The following LRPPRC variants were observed in gnomAD, a reference collection of about 807,000 sequenced individuals.
LRPPRC encodes leucine-rich PPR motif-containing protein, mitochondrial.
In LRPPRC, 120 loss-of-function variants were observed where a neutral mutation model predicts 180.3. The ratio of observed to expected loss-of-function variants is 0.67; its 90% CI spans 0.57 to 0.77. The LOEUF is 0.77. Ranked by LOEUF, LRPPRC falls within the 30% of genes least tolerant of loss-of-function variation. LRPPRC has a pLI of 0.00. For missense variants in LRPPRC, 2,012 were observed against 1,657.2 expected, an observed-to-expected ratio of 1.21 and a Z score of -3.72; for synonymous variants, 723 against 600.0, an observed-to-expected ratio of 1.21 and a Z score of -3.00.
Position 43,887,698 on chromosome 2 carries a change from T to G in LRPPRC, c.*902A>C, listed in dbSNP as rs1013746889. On this transcript the variant is annotated 3_prime_UTR_variant, in exon 38 of 38. Coordinates refer to ENST00000260665, the MANE Select transcript of LRPPRC (RefSeq NM_133259.4). ...TCTCCTGACTACCTATCTTAGAATT[T>G]TTTTGAAGTCACTACTTACAGTGTA... 6.6e-6 allele frequency: 1 copy of G among 152,246 alleles called. No homozygotes were observed. The highest frequency in any genetic ancestry group is 1.5e-5 in the Non-Finnish European group (1 of 68,040). 9.4% of individuals were successfully genotyped at this position (152,246 alleles called of 1,614,324 possible).
At chr2:43,925,773 A>G (rs185354809) in intron 26 of LRPPRC, 120 bp downstream of exon 26, 2 of 769,182 alleles carry the variant, frequency 2.6e-6, no homozygotes, top group Admixed American at 1.8e-5. Flanking sequence ...AATGATCGAG[A>G]TAAACACTGC....
At chr2:43,889,902 A>G (rs749141593) in intron 36 of LRPPRC, 26 bp from the exon 37 acceptor site, 9 of 1,561,440 alleles carry the variant, frequency 5.8e-6, no homozygotes, top group Non-Finnish European at 7.1e-6. Flanking sequence ...AAATATATTA[A>G]TCAGAGATAA....
At chr2:43,896,581 C>A (rs1234287082) in intron 35 of LRPPRC, 53 bp downstream of exon 35, 1 of 1,130,930 alleles carries the variant, frequency 8.8e-7, no homozygotes, top group South Asian at 1.2e-5. Flanking sequence ...TTCAATACTT[C>A]TGAGCAAGGC....
At chr2:43,941,186 G>A (rs1334517285) in intron 23 of LRPPRC, among the ~76,000 whole-genome samples, 1 of 152,078 alleles carries the variant, frequency 6.6e-6, no homozygotes, top group African/African-American at 2.4e-5. Flanking sequence ...AACACAAACT[G>A]ACACAGTATT....
intron 23 of LRPPRC, among the ~76,000 whole-genome samples, chr2:43,943,292 C>T (rs1005911169): frequency 6.6e-6 from 1 of 151,980 alleles, no homozygotes; most frequent in Non-Finnish European, 1.5e-5. Context: ...ATTTAAAATA[C>T]CCTGTGAAGA....
At chr2:43,930,358 G>A (rs1672044125) in intron 25 of LRPPRC, among the ~76,000 whole-genome samples, 1 of 152,182 alleles carries the variant, frequency 6.6e-6, no homozygotes, top group South Asian at 2.1e-4. Flanking sequence ...ATAGAAAACA[G>A]AAACTCAGGG....
intron 12 of LRPPRC, among the ~76,000 whole-genome samples, chr2:43,961,423 G>A (rs1673342777): frequency 6.6e-6 from 1 of 152,058 alleles, no homozygotes; most frequent in Non-Finnish European, 1.5e-5. Context: ...GTGGATAATA[G>A]GAACAGTATA....
chr2:43,964,937 T>A (rs1237569355), intron 11 of LRPPRC, among the ~76,000 whole-genome samples: 1 of 152,170 alleles, frequency 6.6e-6, no homozygotes, highest in Non-Finnish European at 1.5e-5. Flanking sequence ...TTTCAGCTAT[T>A]CACGAGGCTG....
intron 30 of LRPPRC, among the ~76,000 whole-genome samples, chr2:43,909,497 G>T: frequency 6.6e-6 from 1 of 152,116 alleles, no homozygotes; most frequent in East Asian, 1.9e-4. Context: ...TGGAACATAA[G>T]TAAGTTCTGG....
At position 43,948,524 on chromosome 2, in the gene LRPPRC, GA is replaced by G; in HGVS notation, c.1736-7del. The G allele has an allele frequency of 9.1e-6, 13 of 1,427,614 alleles. No homozygotes were observed. The highest frequency in any genetic ancestry group is 1.3e-5 in the Non-Finnish European group (13 of 1,009,950). 88.4% of individuals were successfully genotyped at this position (1,427,614 alleles called of 1,614,324 possible). ...AAGAAAATAGCCAACAGCTTCTGTGGAAAAAAACAAGAGAAAGCATTCCACT... is the reference window on the plus strand; with the variant it reads ...AAGAAAATAGCCAACAGCTTCTGTGGAAAAAACAAGAGAAAGCATTCCACT... On this transcript the variant is annotated splice_region_variant and splice_polypyrimidine_tract_variant and intron_variant, in intron 16 of 37. Transcript: ENST00000260665.
chr2:43,896,838 C>G, intron 34 of LRPPRC, 130 bp from the exon 35 acceptor site: 1 of 654,844 alleles, frequency 1.5e-6, no homozygotes, highest in Non-Finnish European at 2.8e-6. Flanking sequence ...GCCTAATAGT[C>G]GACTATTATT....
intron 1 of LRPPRC, among the ~76,000 whole-genome samples, chr2:43,987,270 C>A (rs1156723454): frequency 2.0e-5 from 3 of 151,974 alleles, no homozygotes; most frequent in African/African-American, 7.2e-5. Context: ...CCGAGGCGGG[C>A]AGATCACGAG....
intron 22 of LRPPRC, among the ~76,000 whole-genome samples, chr2:43,944,608 C>T (rs1271886956): frequency 6.6e-6 from 1 of 152,014 alleles, no homozygotes; most frequent in Admixed American, 6.6e-5. Context: ...TGATTTTCTC[C>T]ATACATTTTT....
At chr2:43,899,419 G>C (rs771784431) in intron 33 of LRPPRC, 47 bp downstream of exon 33, 6 of 1,613,064 alleles carry the variant, frequency 3.7e-6, no homozygotes, top group Non-Finnish European at 5.1e-6. Flanking sequence ...AGTCTCACTA[G>C]AGAGAAAATG....
intron 36 of LRPPRC, among the ~76,000 whole-genome samples, chr2:43,892,975 G>C (rs4402817): frequency 0.087 from 13,273 of 152,184 alleles, 1,175 homozygotes; most frequent in East Asian, 0.5. Context: ...ATTAACAGGA[G>C]TTTGGGAGAA....
In LRPPRC at chr2:43,886,228, T is replaced by C. The variant is rs528878345; in HGVS notation, c.*2372A>G. On this transcript the variant is annotated 3_prime_UTR_variant, in exon 38 of 38. Transcript: ENST00000260665. ...AAAAAGCAGCAGCAGCCCACAGATA[T>C]TTACAGTATACTTTATTCAAAGCAT... Among the ~76,000 whole-genome samples the C allele has an allele frequency of 6.6e-5, 10 of 152,054 alleles. No individual in the cohort carries two copies. In the East Asian group the frequency reaches 1.7e-3, roughly 26 times the overall value.
intron 29 of LRPPRC, among the ~76,000 whole-genome samples, chr2:43,916,459 A>G (rs1235687322): frequency 1.3e-5 from 2 of 152,096 alleles, no homozygotes; most frequent in Non-Finnish European, 2.9e-5. Context: ...GAAAGAGTCA[A>G]GAAACAGACC....
At chr2:43,895,985 G>A (rs1197894153) in intron 35 of LRPPRC, among the ~76,000 whole-genome samples, 1 of 151,858 alleles carries the variant, frequency 6.6e-6, no homozygotes, top group Non-Finnish European at 1.5e-5. Flanking sequence ...CCCTTTTACA[G>A]TGTAAATAAA....
intron 15 of LRPPRC, among the ~76,000 whole-genome samples, chr2:43,950,225 C>CT (rs1418459014): frequency 6.8e-6 from 1 of 146,960 alleles, no homozygotes; most frequent in African/African-American, 2.5e-5. Context: ...TAATTTCCAA[C>CT]TTTTATTTTA....
Sources: gnomAD v4.1 joint callset for allele counts (sites outside exome capture counted in the v4.1 genomes callset) on GRCh38, gnomAD v4.1.1 for gene constraint, MANE v1.5 for transcripts, NCBI Gene and HGNC (gene_info 2026-07-23, HGNC 2026-07-21) for gene names.